The following SNTB1 variants were observed in gnomAD, a reference collection of about 807,000 sequenced individuals.
The protein encoded by SNTB1 is beta-1-syntrophin.
SNTB1 carries 36 observed loss-of-function variants against 48.9 expected under a neutral mutation model. The observed-to-expected ratio is 0.74, with a 90% CI of 0.56 to 0.97. The LOEUF (loss-of-function observed/expected upper bound fraction) is 0.97. Ranked by LOEUF, SNTB1 falls within the 50% of genes least tolerant of loss-of-function variation. SNTB1 has a pLI of 0.00. For synonymous variants in SNTB1, 299 were observed against 294.6 expected (o/e 1.01, Z -0.15); for missense variants, 786 against 703.4 (o/e 1.12, Z -1.33).
At chr8:120,641,787 C>G (rs1314421908) in intron 2 of SNTB1, among the ~76,000 whole-genome samples, 2 of 152,136 alleles carry the variant, frequency 1.3e-5, no homozygotes. Flanking sequence ...TTTTGTATAC[C>G]CTTTCCAGTT....
intron 1 of SNTB1, among the ~76,000 whole-genome samples, chr8:120,709,048 A>G (rs530363999): frequency 6.6e-6 from 1 of 152,224 alleles, no homozygotes; most frequent in Admixed American, 6.5e-5. Flanking sequence ...AAATGAATGC[A>G]TGAATGAATA....
At chr8:120,771,232 C>A (rs1189159635) in intron 1 of SNTB1, among the ~76,000 whole-genome samples, 1 of 152,144 alleles carries the variant, frequency 6.6e-6, no homozygotes, top group Non-Finnish European at 1.5e-5. Context: ...GGTACCCAGA[C>A]AATAATTAGA....
intron 3 of SNTB1, among the ~76,000 whole-genome samples, chr8:120,596,955 C>T (rs951100370): frequency 6.6e-6 from 1 of 152,162 alleles, no homozygotes; most frequent in African/African-American, 2.4e-5. Flanking sequence ...ACAGTGGTCC[C>T]CCCACAAATG....
intron 2 of SNTB1, among the ~76,000 whole-genome samples, chr8:120,677,970 C>T (rs1251913851): frequency 6.6e-6 from 1 of 152,034 alleles, no homozygotes; most frequent in Non-Finnish European, 1.5e-5. Flanking sequence ...CATGAAGAAA[C>T]ATTTTCCGAT....
At chr8:120,586,809 C>A (rs1480581410) in intron 3 of SNTB1, among the ~76,000 whole-genome samples, 1 of 152,134 alleles carries the variant, frequency 6.6e-6, no homozygotes, top group Non-Finnish European at 1.5e-5. Flanking sequence ...GCTTTAAAAT[C>A]CCTCCCTTGT....
intron 4 of SNTB1, among the ~76,000 whole-genome samples, chr8:120,562,876 A>AAAAAAGAAAAAGAAAAAG (rs369431796): frequency 2.0e-5 from 3 of 151,702 alleles, no homozygotes; most frequent in African/African-American, 7.3e-5. Context: ...CTACCGCTCA[A>AAAAAAGAAAAAGAAAAAG]AAAAAGAAAA....
chr8:120,734,104 A>T (rs932305058), intron 1 of SNTB1, among the ~76,000 whole-genome samples: 1 of 152,206 alleles, frequency 6.6e-6, no homozygotes, highest in African/African-American at 2.4e-5. Context: ...GAGCACAAAC[A>T]GGAGAAGGAA....
At chr8:120,569,441 G>C (rs1292438681) in intron 4 of SNTB1, among the ~76,000 whole-genome samples, 1 of 152,196 alleles carries the variant, frequency 6.6e-6, no homozygotes, top group African/African-American at 2.4e-5. Flanking sequence ...GACACTTTCA[G>C]TGCTCCACTC....
At chr8:120,761,372 G>T (rs1006608606) in intron 1 of SNTB1, 7 of 152,140 alleles carry the variant, frequency 4.6e-5, no homozygotes, top group Non-Finnish European at 8.8e-5. Flanking sequence ...AACAAGAGAT[G>T]GTAAGCTGGA....
intron 3 of SNTB1, among the ~76,000 whole-genome samples, chr8:120,595,379 C>T (rs151053445): frequency 2.2e-3 from 341 of 152,246 alleles, no homozygotes; most frequent in African/African-American, 7.8e-3. Context: ...TCTGGTCATT[C>T]CTCACTACTA....
chr8:120,560,941 C>T (rs953855918), intron 4 of SNTB1, among the ~76,000 whole-genome samples: 1 of 152,096 alleles, frequency 6.6e-6, no homozygotes, highest in African/African-American at 2.4e-5. Context: ...AGAATTTGAA[C>T]CCACGGCTAT....
At chr8:120,548,735 T>C (rs1358738704) in intron 5 of SNTB1, 27 bp downstream of exon 5, 6 of 1,609,412 alleles carry the variant, frequency 3.7e-6, no homozygotes, top group Non-Finnish European at 5.1e-6. Flanking sequence ...TAACAATGTG[T>C]CCTTGGTAGC....
chr8:120,714,466 T>A (rs1319383999), intron 1 of SNTB1, among the ~76,000 whole-genome samples: 1 of 151,798 alleles, frequency 6.6e-6, no homozygotes, highest in African/African-American at 2.4e-5. Flanking sequence ...AATGGAATCA[T>A]GGAGATATAT....
intron 2 of SNTB1, among the ~76,000 whole-genome samples, chr8:120,675,955 A>G (rs1246443697): frequency 2.0e-5 from 3 of 152,358 alleles, no homozygotes; most frequent in Non-Finnish European, 2.9e-5. Flanking sequence ...ACCTTGCTGT[A>G]CTACAGAGGA....
intron 2 of SNTB1, among the ~76,000 whole-genome samples, chr8:120,670,188 T>C (rs1053584771): frequency 6.6e-6 from 1 of 152,192 alleles, no homozygotes; most frequent in African/African-American, 2.4e-5. Flanking sequence ...GAAGGATTCA[T>C]AGTTTGGTGG....
At chr8:120,709,115 AG>A (rs1818422415) in intron 1 of SNTB1, among the ~76,000 whole-genome samples, 1 of 152,086 alleles carries the variant, frequency 6.6e-6, no homozygotes, top group African/African-American at 2.4e-5. Context: ...AGGGAGAAAG[AG>A]AGGGAGGGAA....
At chr8:120,803,575 A>G (rs1189366423) in intron 1 of SNTB1, among the ~76,000 whole-genome samples, 3 of 152,182 alleles carry the variant, frequency 2.0e-5, no homozygotes, top group African/African-American at 7.2e-5. Flanking sequence ...CACCAAACAG[A>G]CCACTGGTAG....
intron 4 of SNTB1, among the ~76,000 whole-genome samples, chr8:120,550,361 C>T (rs907126400): frequency 1.1e-4 from 17 of 151,600 alleles, no homozygotes; most frequent in East Asian, 3.9e-4. Context: ...GGCCAACATG[C>T]GGAAACCCCG....
intron 2 of SNTB1, among the ~76,000 whole-genome samples, chr8:120,680,685 G>T (rs1043048770): frequency 6.6e-6 from 1 of 152,184 alleles, no homozygotes; most frequent in Non-Finnish European, 1.5e-5. Context: ...TAGCATTGGA[G>T]TTATTTTCAG....
Sources: allele counts gnomAD v4.1 joint callset (sites outside exome capture counted in the v4.1 genomes callset), GRCh38; gene constraint gnomAD v4.1.1; transcripts MANE v1.5; gene names NCBI Gene and HGNC (gene_info 2026-07-23, HGNC 2026-07-21).